Variants in DLG2 observed in about 807,000 individuals in gnomAD.
DLG2 encodes discs large MAGUK scaffold protein 2.
Under a neutral mutation model 132.5 loss-of-function variants are expected in DLG2, and 45 were observed. The observed-to-expected ratio is 0.34, with a 90% CI of 0.27 to 0.44. The LOEUF (loss-of-function observed/expected upper bound fraction) is 0.44. Among genes scored for constraint, DLG2 ranks in the 20% least tolerant of loss-of-function variants. The pLI, the probability that DLG2 is intolerant of heterozygous loss-of-function variation, is 1.00. For missense variants in DLG2, 1,045 were observed against 1,196.9 expected (o/e 0.87, Z 1.87); for synonymous variants, 424 against 419.6 (o/e 1.01, Z -0.13).
intron 19 of DLG2, among the ~76,000 whole-genome samples, chr11:83,556,874 G>A (rs935201693): frequency 6.6e-6 from 1 of 152,196 alleles, no homozygotes; most frequent in Admixed American, 6.5e-5. Flanking sequence ...GACTAGACAA[G>A]GAACCAGAGG....
At chr11:85,005,607 T>A (rs1039047011) in intron 6 of DLG2, among the ~76,000 whole-genome samples, 1 of 152,234 alleles carries the variant, frequency 6.6e-6, no homozygotes, top group Non-Finnish European at 1.5e-5. Context: ...AAGTTGCTTA[T>A]TGGCTTAAAG....
Position 84,242,075 on chromosome 11 carries a change from C to G in DLG2, c.573+9163G>C, listed in dbSNP as rs78679742. Among the ~76,000 whole-genome samples, 5 of 152,322 alleles carry G rather than the reference C, an allele frequency of 3.3e-5. No individual in the cohort carries two copies. In the East Asian group the frequency reaches 9.7e-4, roughly 29 times the overall value. On this transcript the variant is annotated intron_variant, in intron 8 of 27. Coordinates refer to ENST00000376104, the MANE Select transcript of DLG2 (RefSeq NM_001142699.3). ...ACACTTCTTGGAATAAGAGTGGTTT[C>G]TCTGTCCAGGTAGGTAAGGCTTTTA... is the stretch of plus-strand genomic sequence containing the variant.
chr11:83,728,749 G>A (rs1428561993), intron 18 of DLG2, among the ~76,000 whole-genome samples: 5 of 152,210 alleles, frequency 3.3e-5, no homozygotes, highest in Non-Finnish European at 7.3e-5. Context: ...CAACACTCTT[G>A]TCTTAGGCCT....
At chr11:83,507,043 A>G (rs535947637) in intron 21 of DLG2, among the ~76,000 whole-genome samples, 7 of 152,256 alleles carry the variant, frequency 4.6e-5, no homozygotes, top group Non-Finnish European at 1.0e-4. Context: ...CACTTTGTCT[A>G]CTGAACTTAG....
intron 3 of DLG2, among the ~76,000 whole-genome samples, chr11:85,353,173 C>T (rs1204003007): frequency 6.6e-6 from 1 of 152,114 alleles, no homozygotes; most frequent in Non-Finnish European, 1.5e-5. Flanking sequence ...AAAAAGTCGG[C>T]AAAGGATATG....
At chr11:85,096,127 A>C (rs1470768745) in intron 6 of DLG2, among the ~76,000 whole-genome samples, 1 of 152,204 alleles carries the variant, frequency 6.6e-6, no homozygotes, top group East Asian at 1.9e-4. Context: ...GCACTCTGTA[A>C]AATGGACGAA....
intron 3 of DLG2, among the ~76,000 whole-genome samples, chr11:85,386,149 C>T (rs2086303693): frequency 6.6e-6 from 1 of 152,150 alleles, no homozygotes; most frequent in Non-Finnish European, 1.5e-5. Context: ...GAATCACAGA[C>T]TTTGAAATCT....
chr11:83,621,106 A>C (rs957103249), intron 19 of DLG2, among the ~76,000 whole-genome samples: 4 of 152,144 alleles, frequency 2.6e-5, no homozygotes, highest in Non-Finnish European at 4.4e-5. Context: ...TTATGTTCAT[A>C]AGTTTCTTCT....
At position 84,164,820 on chromosome 11, in the gene DLG2, C is replaced by T. The variant is rs188131548; in HGVS notation, c.574-1309G>A. The stretch of plus-strand genomic sequence containing the variant: ...CAGCATGTTTTTGATTTTCTAATTA[C>T]GTGAGCTAATTGGTGAATCACAATT... On this transcript the variant is annotated intron_variant, in intron 8 of 27. Transcript: ENST00000376104. Among the ~76,000 whole-genome samples, 10 of 152,278 alleles carry T rather than the reference C, an allele frequency of 6.6e-5. No homozygotes were observed. In the East Asian group the frequency reaches 1.5e-3, roughly 24 times the overall value.
chr11:84,216,483 A>T (rs2096836916), intron 8 of DLG2, among the ~76,000 whole-genome samples: 1 of 152,214 alleles, frequency 6.6e-6, no homozygotes, highest in Non-Finnish European at 1.5e-5. Context: ...TTTACATGTA[A>T]CGATTTTGTT....
At chr11:85,465,161 G>T (rs1362734704) in intron 3 of DLG2, among the ~76,000 whole-genome samples, 12 of 73,314 alleles carry the variant, frequency 1.6e-4, no homozygotes, top group Middle Eastern at 0.012. Flanking sequence ...TTTTTTTTTT[G>T]AAACAGGGTC....
chr11:85,069,597 A>T (rs11234285), intron 6 of DLG2, among the ~76,000 whole-genome samples: 2,341 of 152,308 alleles, frequency 0.015, 19 homozygotes, highest in South Asian at 0.035. Context: ...TCAAAACCAC[A>T]ATGAGATACC....
chr11:84,600,150 A>AGG (rs1391909822), intron 6 of DLG2, among the ~76,000 whole-genome samples: 41 of 124,608 alleles, frequency 3.3e-4, no homozygotes, highest in Non-Finnish European at 5.7e-4. Context: ...GAAGGAAAGA[A>AGG]AGAAAGAAGG....
chr11:84,272,403 C>T (rs1023198471), intron 7 of DLG2: 1 of 323,040 alleles, frequency 3.1e-6, no homozygotes, highest in South Asian at 2.4e-5. Context: ...TAAGACTCTT[C>T]TCTCATAGCT....
intron 7 of DLG2, among the ~76,000 whole-genome samples, chr11:84,475,224 C>T (rs192444998): frequency 3.9e-5 from 6 of 152,174 alleles, no homozygotes; most frequent in Non-Finnish European, 8.8e-5. Flanking sequence ...CATGTTGTAG[C>T]AGTGTATCTC....
At chr11:83,995,011 A>T (rs1281117637) in intron 11 of DLG2, among the ~76,000 whole-genome samples, 3 of 141,456 alleles carry the variant, frequency 2.1e-5, no homozygotes, top group African/African-American at 8.1e-5. Context: ...GACACTTGCC[A>T]TATTGGAATA....
At chr11:85,483,892 C>CAAAA (rs5793164) in intron 3 of DLG2, among the ~76,000 whole-genome samples, 5 of 85,236 alleles carry the variant, frequency 5.9e-5, no homozygotes, top group Non-Finnish European at 1.2e-4. Context: ...TGCAGTGAGC[C>CAAAA]AAAAAAAAAA....
At chr11:84,915,840 T>G (rs543262221) in intron 6 of DLG2, among the ~76,000 whole-genome samples, 1 of 152,176 alleles carries the variant, frequency 6.6e-6, no homozygotes, top group African/African-American at 2.4e-5. Flanking sequence ...TTTCAAATAT[T>G]TATTAATCAT....
intron 11 of DLG2, among the ~76,000 whole-genome samples, chr11:84,003,315 C>T (rs989694839): frequency 6.6e-6 from 1 of 152,158 alleles, no homozygotes; most frequent in African/African-American, 2.4e-5. Context: ...CCAACCTCTG[C>T]CTGTTACTCA....
Sources: allele counts gnomAD v4.1 joint callset (sites outside exome capture counted in the v4.1 genomes callset), GRCh38; gene constraint gnomAD v4.1.1; transcripts MANE v1.5; gene names NCBI Gene and HGNC (gene_info 2026-07-23, HGNC 2026-07-21).